Variants in QTMAN observed in about 807,000 individuals in gnomAD.
The protein encoded by QTMAN is queuosine-tRNA mannosyltransferase.
chr2:144,175,051 T>C, the QTMAN span, among the ~76,000 whole-genome samples: 2 of 152,148 alleles, frequency 1.3e-5, no homozygotes, highest in Admixed American at 1.3e-4. Context: ...CAGAGTAGAC[T>C]TACCTATGGC....
the QTMAN span, among the ~76,000 whole-genome samples, chr2:143,992,315 T>C: frequency 6.0e-5 from 9 of 148,954 alleles, no homozygotes; most frequent in African/African-American, 2.2e-4. Flanking sequence ...ATGTGCTTTG[T>C]TAAACAGATG....
the QTMAN span, among the ~76,000 whole-genome samples, chr2:144,199,811 G>T: frequency 6.6e-6 from 1 of 151,994 alleles, no homozygotes; most frequent in African/African-American, 2.4e-5. Context: ...ATAAAACTTA[G>T]GAACAGATAA....
At chr2:143,988,795 C>T in the QTMAN span, among the ~76,000 whole-genome samples, 1 of 152,140 alleles carries the variant, frequency 6.6e-6, no homozygotes, top group Non-Finnish European at 1.5e-5. Flanking sequence ...CCTCCTTACC[C>T]CTTGTAAATA....
the QTMAN span, among the ~76,000 whole-genome samples, chr2:144,243,653 GT>G: frequency 6.6e-6 from 1 of 152,132 alleles, no homozygotes; most frequent in Non-Finnish European, 1.5e-5. Flanking sequence ...CATATATAGT[GT>G]TAAAATTAAA....
At chr2:144,091,370 C>T in the QTMAN span, among the ~76,000 whole-genome samples, 1 of 152,018 alleles carries the variant, frequency 6.6e-6, no homozygotes, top group African/African-American at 2.4e-5. Context: ...ATAAAGGTTA[C>T]TCAGATACAA....
chr2:144,021,494 T>C, the QTMAN span, among the ~76,000 whole-genome samples: 3 of 152,048 alleles, frequency 2.0e-5, no homozygotes, highest in African/African-American at 7.2e-5. Context: ...AGGACATAGT[T>C]GACCCAAGGG....
the QTMAN span, among the ~76,000 whole-genome samples, chr2:144,083,692 T>C: frequency 2.0e-5 from 3 of 152,238 alleles, 1 homozygote; most frequent in South Asian, 6.2e-4. Flanking sequence ...TTTCCAACAT[T>C]GAAGACATTG....
the QTMAN span, among the ~76,000 whole-genome samples, chr2:143,990,286 T>C: frequency 6.6e-6 from 1 of 151,964 alleles, no homozygotes; most frequent in Non-Finnish European, 1.5e-5. Flanking sequence ...CATTCTTAAT[T>C]TGGGAAAAAT....
At chr2:144,084,454 T>C in the QTMAN span, among the ~76,000 whole-genome samples, 4 of 152,374 alleles carry the variant, frequency 2.6e-5, no homozygotes, top group South Asian at 8.3e-4. Context: ...ACCATGTATG[T>C]ACATTTATGC....
chr2:144,303,291 G>A, the QTMAN span, among the ~76,000 whole-genome samples: 1 of 152,126 alleles, frequency 6.6e-6, no homozygotes, highest in Non-Finnish European at 1.5e-5. Flanking sequence ...TAAAAACGTA[G>A]AATATGCAGA....
chr2:144,266,707 A>G, the QTMAN span, among the ~76,000 whole-genome samples: 1 of 152,240 alleles, frequency 6.6e-6, no homozygotes, highest in South Asian at 2.1e-4. Context: ...CCTTGGCCTT[A>G]GTAATGGCTT....
the QTMAN span, among the ~76,000 whole-genome samples, chr2:144,083,570 T>G: frequency 2.8e-3 from 422 of 152,316 alleles, 3 homozygotes; most frequent in Non-Finnish European, 2.9e-3. Context: ...TTCTCAGCTG[T>G]AAAACTGAAG....
chr2:144,115,827 A>G, the QTMAN span, among the ~76,000 whole-genome samples: 1 of 152,218 alleles, frequency 6.6e-6, no homozygotes, highest in Non-Finnish European at 1.5e-5. Flanking sequence ...GTCAAAGTTG[A>G]GCAAAAGTTT....
chr2:144,182,893 TATATATATTA>T, the QTMAN span, among the ~76,000 whole-genome samples: 1 of 94,866 alleles, frequency 1.1e-5, no homozygotes, highest in African/African-American at 4.0e-5. Flanking sequence ...ATTTTATATA[TATATATATTA>T]TATATATATA....
At chr2:144,259,926 C>G in the QTMAN span, among the ~76,000 whole-genome samples, 1 of 152,044 alleles carries the variant, frequency 6.6e-6, no homozygotes, top group Non-Finnish European at 1.5e-5. Context: ...AACTAAATAA[C>G]TGTGAAAATT....
the QTMAN span, among the ~76,000 whole-genome samples, chr2:144,019,287 A>G: frequency 1.3e-5 from 2 of 152,144 alleles, no homozygotes; most frequent in Admixed American, 1.3e-4. Context: ...GAATTTATTT[A>G]AAAGGCATAG....
chr2:144,247,579 G>T, the QTMAN span, among the ~76,000 whole-genome samples: 5 of 152,160 alleles, frequency 3.3e-5, no homozygotes, highest in Non-Finnish European at 5.9e-5. Context: ...TAACTCAAAA[G>T]ATAGCAATGT....
chr2:143,980,196 C>T, the QTMAN span, among the ~76,000 whole-genome samples: 5 of 152,030 alleles, frequency 3.3e-5, no homozygotes, highest in Non-Finnish European at 7.4e-5. Context: ...CCCCACCAAC[C>T]CTCTGACAGG....
the QTMAN span, among the ~76,000 whole-genome samples, chr2:144,197,922 C>G: frequency 1.3e-5 from 2 of 152,164 alleles, no homozygotes; most frequent in Non-Finnish European, 2.9e-5. Context: ...GCATCATTTC[C>G]CCTTATTTAA....
Sources: gnomAD v4.1 joint callset for allele counts (sites outside exome capture counted in the v4.1 genomes callset) on GRCh38, gnomAD v4.1.1 for gene constraint, MANE v1.5 for transcripts, NCBI Gene and HGNC (gene_info 2026-07-23, HGNC 2026-07-21) for gene names.